SGCZ: variants seen among roughly 807,000 people sequenced by gnomAD.
SGCZ encodes sarcoglycan zeta, also known as zeta-sarcoglycan.
Under a neutral mutation model 41.3 loss-of-function variants are expected in SGCZ, and 40 were observed. That is an observed-to-expected ratio of 0.97 (90% confidence interval 0.75 to 1.26). SGCZ has a LOEUF of 1.26. Among genes scored for constraint, SGCZ ranks in the 50% most tolerant of loss-of-function variants. SGCZ has a pLI of 0.00. For missense variants in SGCZ, 552 were observed against 369.8 expected, an observed-to-expected ratio of 1.49 and a Z score of -4.04; for synonymous variants, 206 against 137.5, an observed-to-expected ratio of 1.50 and a Z score of -3.49.
intron 1 of SGCZ, among the ~76,000 whole-genome samples, chr8:15,127,124 G>T (rs1323675365): frequency 6.6e-6 from 1 of 152,110 alleles, no homozygotes; most frequent in African/African-American, 2.4e-5. Context: ...TGCTGATCAT[G>T]TATGAGACAC....
intron 3 of SGCZ, among the ~76,000 whole-genome samples, chr8:14,298,357 A>T (rs1801085655): frequency 6.6e-6 from 1 of 151,992 alleles, no homozygotes; most frequent in Non-Finnish European, 1.5e-5. Flanking sequence ...CTCACCCAGC[A>T]TGACTAAAGA....
chr8:14,938,341 C>T (rs1282263480), intron 1 of SGCZ, among the ~76,000 whole-genome samples: 1 of 152,110 alleles, frequency 6.6e-6, no homozygotes, highest in South Asian at 2.1e-4. Context: ...TTTTCTTCCA[C>T]CTCTGCCGCT....
intron 1 of SGCZ, among the ~76,000 whole-genome samples, chr8:14,988,210 A>G (rs1054274768): frequency 6.6e-6 from 1 of 151,782 alleles, no homozygotes; most frequent in African/African-American, 2.4e-5. Flanking sequence ...ATTTAGTAAT[A>G]TTAACAAAAA....
At chr8:14,199,696 A>G (rs892404666) in intron 4 of SGCZ, among the ~76,000 whole-genome samples, 9 of 152,258 alleles carry the variant, frequency 5.9e-5, no homozygotes, top group Middle Eastern at 3.4e-3. Context: ...GCCAAAGCTT[A>G]GGGAAAATAG....
intron 3 of SGCZ, among the ~76,000 whole-genome samples, chr8:14,315,560 A>C (rs185168305): frequency 3.2e-4 from 49 of 152,208 alleles, no homozygotes; most frequent in Admixed American, 3.2e-3. Context: ...ACTACTTTTG[A>C]ATAAGAAGAA....
At chr8:15,220,579 T>C (rs918130634) in intron 1 of SGCZ, among the ~76,000 whole-genome samples, 6 of 152,222 alleles carry the variant, frequency 3.9e-5, no homozygotes, top group Non-Finnish European at 8.8e-5. Flanking sequence ...CATAAACTAG[T>C]TCAACCATTG....
chr8:14,786,845 AAAAAAAC>A (rs1800783425), intron 1 of SGCZ, among the ~76,000 whole-genome samples: 4 of 114,040 alleles, frequency 3.5e-5, no homozygotes. Flanking sequence ...GGTTTAAAAA[AAAAAAAC>A]AAAAAACACA....
At chr8:14,262,241 T>C (rs1799699681) in intron 3 of SGCZ, among the ~76,000 whole-genome samples, 1 of 152,198 alleles carries the variant, frequency 6.6e-6, no homozygotes, top group Admixed American at 6.5e-5. Flanking sequence ...AGGACCTTAC[T>C]GATAAGGTCG....
chr8:14,499,986 T>A (rs1287149084), intron 2 of SGCZ, among the ~76,000 whole-genome samples: 1 of 152,076 alleles, frequency 6.6e-6, no homozygotes, highest in Admixed American at 6.6e-5. Context: ...AAAAAAACTT[T>A]AAAAAATGAA....
At chr8:14,886,693 G>C (rs1217049206) in intron 1 of SGCZ, among the ~76,000 whole-genome samples, 4 of 152,162 alleles carry the variant, frequency 2.6e-5, no homozygotes, top group African/African-American at 7.2e-5. Flanking sequence ...AGATTTTGTA[G>C]GTTTTTAAAC....
At chr8:14,812,186 T>A (rs1801757245) in intron 1 of SGCZ, among the ~76,000 whole-genome samples, 1 of 152,012 alleles carries the variant, frequency 6.6e-6, no homozygotes, top group Admixed American at 6.6e-5. Flanking sequence ...GATATTAAAA[T>A]TTATATAAAT....
intron 2 of SGCZ, among the ~76,000 whole-genome samples, chr8:14,357,084 TA>T (rs201044525): frequency 2.6e-5 from 4 of 151,848 alleles, no homozygotes; most frequent in Non-Finnish European, 5.9e-5. Flanking sequence ...TATTAAATTG[TA>T]AAAAAAAGTA....
chr8:15,095,522 A>G (rs1373590336), intron 1 of SGCZ, among the ~76,000 whole-genome samples: 1 of 152,208 alleles, frequency 6.6e-6, no homozygotes. Flanking sequence ...AATCATTTGA[A>G]TGTATTTGAA....
At chr8:14,242,073 C>G (rs750327407) in intron 3 of SGCZ, among the ~76,000 whole-genome samples, 3 of 152,084 alleles carry the variant, frequency 2.0e-5, no homozygotes, top group African/African-American at 4.8e-5. Flanking sequence ...GGTAGCCAGA[C>G]AGACAATAAA....
At chr8:15,228,832 A>T (rs1231857878) in intron 1 of SGCZ, among the ~76,000 whole-genome samples, 1 of 152,252 alleles carries the variant, frequency 6.6e-6, no homozygotes, top group Non-Finnish European at 1.5e-5. Flanking sequence ...AAATGAAGTC[A>T]TGCAAACAAA....
At chr8:14,746,159 G>T (rs534747676) in intron 1 of SGCZ, among the ~76,000 whole-genome samples, 1 of 151,914 alleles carries the variant, frequency 6.6e-6, no homozygotes, top group Admixed American at 6.6e-5. Context: ...TAGCATAATA[G>T]ATATTAAATA....
chr8:14,638,433 T>C (rs113114360), intron 1 of SGCZ, among the ~76,000 whole-genome samples: 7,185 of 151,966 alleles, frequency 0.047, 217 homozygotes, highest in Middle Eastern at 0.095. Flanking sequence ...TAACATTTCC[T>C]TAAAATTAAA....
intron 1 of SGCZ, among the ~76,000 whole-genome samples, chr8:15,008,478 A>G (rs1029415667): frequency 6.1e-5 from 9 of 147,286 alleles, no homozygotes; most frequent in Non-Finnish European, 1.3e-4. Flanking sequence ...TCAACTGTGG[A>G]ATGAAAAAAT....
intron 3 of SGCZ, among the ~76,000 whole-genome samples, chr8:14,300,553 G>C (rs1801152615): frequency 1.3e-5 from 2 of 151,886 alleles, no homozygotes; most frequent in South Asian, 4.2e-4. Flanking sequence ...TTTTTTAATA[G>C]TATATGTAAG....
Sources: allele counts gnomAD v4.1 joint callset (sites outside exome capture counted in the v4.1 genomes callset), GRCh38; gene constraint gnomAD v4.1.1; transcripts MANE v1.5; gene names NCBI Gene and HGNC (gene_info 2026-07-23, HGNC 2026-07-21).